Variants in DLST observed in about 807,000 individuals in gnomAD.
DLST encodes dihydrolipoyllysine-residue succinyltransferase component of 2-oxoglutarate dehydrogenase complex, mitochondrial.
DLST carries 17 observed loss-of-function variants against 53.1 expected under a neutral mutation model. The ratio of observed to expected loss-of-function variants is 0.32; its 90% CI spans 0.22 to 0.48. DLST has a LOEUF of 0.48. DLST is among the 20% of genes least tolerant of loss of function. DLST has a pLI of 0.99. For synonymous variants in DLST, 206 were observed against 204.8 expected (o/e 1.01, Z -0.05); for missense variants, 512 against 583.9 (o/e 0.88, Z 1.27).
At chr14:74,890,005 C>A in intron 6 of DLST, 53 bp downstream of exon 6, 1 of 1,536,768 alleles carries the variant, frequency 6.5e-7, no homozygotes, top group South Asian at 1.1e-5. Flanking sequence ...CTTAGTTAAC[C>A]TAATGAAAGA....
intron 5 of DLST, 169 bp downstream of exon 5, chr14:74,889,518 AC>A: frequency 1.6e-6 from 1 of 606,418 alleles, no homozygotes; most frequent in African/African-American, 1.9e-5. Flanking sequence ...ACAGGTGCCC[AC>A]CACCATGCCT....
chr14:74,897,391 A>G (rs1366840441), intron 10 of DLST, among the ~76,000 whole-genome samples: 1 of 152,250 alleles, frequency 6.6e-6, no homozygotes, highest in African/African-American at 2.4e-5. Flanking sequence ...TTCAATTTTC[A>G]TCGTAGAACT....
chr14:74,902,002 A>G (rs1399228061), intron 14 of DLST, among the ~76,000 whole-genome samples, 194 bp from the exon 15 acceptor site: 1 of 152,176 alleles, frequency 6.6e-6, no homozygotes, highest in Non-Finnish European at 1.5e-5. Flanking sequence ...TTTCTTGGCA[A>G]ACTTTGTTTC....
intron 11 of DLST, 48 bp downstream of exon 11, chr14:74,898,547 A>G (rs769632097): frequency 1.2e-6 from 2 of 1,603,656 alleles, no homozygotes; most frequent in Admixed American, 1.7e-5. Flanking sequence ...AGGTAGGTGT[A>G]TGAGCACAGA....
At position 74,892,983 on chromosome 14, in the gene DLST, C is replaced by T. The variant is rs772367465; in HGVS notation, c.592C>T (p.Pro198Ser). 3.7e-6 allele frequency: 6 copies of T among 1,609,426 alleles called. No individual in the cohort carries two copies. The highest frequency in any genetic ancestry group is 5.1e-6 in the Non-Finnish European group (6 of 1,178,432). Residue 198 changes from proline to serine, a missense_variant, in exon 8 of 15, where the codon CCT becomes TCT. Around this residue, in one of 4 missense-constraint regions of DLST, gnomAD observed 162 missense variants for 162.0 expected, o/e 1.00. Coordinates refer to ENST00000334220, the MANE Select transcript of DLST (RefSeq NM_001933.5). ...PSPSQPPSGK[P>S]VSAVKPTVAP... ...GCCCTCACAGCCTCCTTCTGGCAAA[C>T]CTGGTAGGCTTCCAACTCCCACATG...
At chr14:74,900,226 G>T in intron 12 of DLST, 63 bp from the exon 13 acceptor site, 1 of 1,460,900 alleles carries the variant, frequency 6.8e-7, no homozygotes. Context: ...TGAATCAAGG[G>T]AGTTGTTAAC....
At chr14:74,882,663 C>T (rs762156325) in intron 2 of DLST, 39 bp downstream of exon 2, 3 of 1,606,612 alleles carry the variant, frequency 1.9e-6, no homozygotes, top group Admixed American at 1.7e-5. Flanking sequence ...ATGCTCTCCT[C>T]CTGGGCAGAG....
At chr14:74,882,537 G>C in intron 1 of DLST, 54 bp from the exon 2 acceptor site, 3 of 1,590,264 alleles carry the variant, frequency 1.9e-6, no homozygotes. Flanking sequence ...AAAAGAAAAA[G>C]CTGGGTTTTT....
At chr14:74,887,433 GT>G (rs1883746168) in intron 3 of DLST, among the ~76,000 whole-genome samples, 1 of 152,168 alleles carries the variant, frequency 6.6e-6, no homozygotes, top group African/African-American at 2.4e-5. Context: ...TGAAGAAAAA[GT>G]AAACTTTGTG....
intron 7 of DLST, among the ~76,000 whole-genome samples, chr14:74,892,395 AC>A (rs202166169): frequency 0.013 from 1,977 of 152,300 alleles, 22 homozygotes; most frequent in Non-Finnish European, 0.021. Flanking sequence ...GAGCAACTGC[AC>A]CCAGCCTATT....
intron 10 of DLST, among the ~76,000 whole-genome samples, chr14:74,896,837 A>G (rs1884089805): frequency 6.6e-6 from 1 of 152,238 alleles, no homozygotes; most frequent in Non-Finnish European, 1.5e-5. Context: ...AACAGCTTTG[A>G]TTGGAAAGGA....
At position 74,903,514 on chromosome 14, in the gene DLST, C is replaced by T. The variant is rs1404561419; in HGVS notation, c.*1184C>T. On this transcript the variant is annotated 3_prime_UTR_variant, in exon 15 of 15. Coordinates refer to ENST00000334220, the MANE Select transcript of DLST (RefSeq NM_001933.5). ...CTGGGATTCATGGCTTTGTATCCAA[C>T]TGCATCCAGGCCTGAGGCTGCTGAC... is the stretch of plus-strand genomic sequence containing the variant. 2 of 150,694 alleles carry T rather than the reference C, an allele frequency of 1.3e-5. No individual in the cohort carries two copies. The highest frequency in any genetic ancestry group is 2.9e-5 in the Non-Finnish European group (2 of 67,910). 9.3% of individuals were successfully genotyped at this position (150,694 alleles called of 1,614,324 possible). A position where few individuals can be genotyped will look rare whatever the true frequency, so the allele number is the denominator to read the frequency against.
At chr14:74,890,948 G>A in intron 6 of DLST, 108 bp from the exon 7 acceptor site, 2 of 1,424,140 alleles carry the variant, frequency 1.4e-6, no homozygotes, top group South Asian at 1.4e-5. Flanking sequence ...AATATGCTGG[G>A]ACTACAGGCA....
Position 74,892,875 on chromosome 14 carries a change from G to A in DLST, c.484G>A (p.Ala162Thr), listed in dbSNP as rs369541556. ...KAKPAEAPAA[A>T]APKAEPTAAA... ...CAAGCCGGCTGAAGCTCCTGCTGCT[G>A]CAGCCCCAAAAGCAGAACCTACAGC... The change falls in exon 8 of 15, where the codon GCA becomes ACA. Residue 162 changes from alanine to threonine, a missense_variant. By Grantham distance (58) the Ala-to-Thr change is moderately conservative. Transcript: ENST00000334220. The A allele has an allele frequency of 6.2e-7, 1 of 1,613,798 alleles. No homozygotes were observed. Among genetic ancestry groups the A allele is most frequent in the East Asian group, 2.2e-5 (1 of 44,864 alleles).
intron 2 of DLST, among the ~76,000 whole-genome samples, chr14:74,884,835 A>G (rs762237558): frequency 2.6e-5 from 4 of 152,204 alleles, no homozygotes; most frequent in African/African-American, 4.8e-5. Context: ...TGGTTCAGAA[A>G]GAGTTGTTAA....
chr14:74,900,508 T>C, intron 13 of DLST, 136 bp downstream of exon 13: 1 of 701,550 alleles, frequency 1.4e-6, no homozygotes. Flanking sequence ...CCATGAGAGC[T>C]AAGTATTTTA....
In DLST at chr14:74,889,307, T is replaced by G; in HGVS notation, c.232T>G (p.Phe78Val). The G allele has an allele frequency of 6.2e-7, 1 of 1,612,714 alleles. No homozygotes were observed. Residue 78 changes from phenylalanine (F) to valine (V), a missense_variant, in exon 5 of 15, where the codon TTT becomes GTT. By Grantham distance (50) the Phe-to-Val change is conservative. This residue lies in a region of DLST where 35 missense variants were observed against 70.5 expected (regional missense o/e 0.50). Transcript: ENST00000334220. Reference sequence around the variant, plus strand: ...CTTGGTTACAGTCAAAACCCCAGCGTTTGCAGAATCTGTCACAGAGGGAGA... The same window carrying G: ...CTTGGTTACAGTCAAAACCCCAGCGGTTGCAGAATCTGTCACAGAGGGAGA... ...DDLVTVKTPA[F>V]AESVTEGDVR... is the part of the protein sequence containing the mutation.
intron 6 of DLST, among the ~76,000 whole-genome samples, chr14:74,890,840 TAC>T (rs1348529546): frequency 1.3e-5 from 2 of 152,240 alleles, no homozygotes; most frequent in East Asian, 3.9e-4. Flanking sequence ...TAGCTGGGAT[TAC>T]ATTTTTGTAG....
intron 3 of DLST, among the ~76,000 whole-genome samples, chr14:74,887,712 T>C (rs1883756176): frequency 6.6e-6 from 1 of 152,230 alleles, no homozygotes; most frequent in South Asian, 2.1e-4. Flanking sequence ...CTGGATGACT[T>C]GCAGAGCAGC....
Sources: gnomAD v4.1 joint callset for allele counts (sites outside exome capture counted in the v4.1 genomes callset) on GRCh38, gnomAD v4.1.1 for gene constraint, gnomAD v4.1.1 regional missense constraint, MANE v1.5 for transcripts, NCBI Gene and HGNC (gene_info 2026-07-23, HGNC 2026-07-21) for gene names.